TCF12: variants seen among roughly 807,000 people sequenced by gnomAD.
TCF12 encodes the protein transcription factor 12.
A neutral mutation model predicts 86.0 loss-of-function variants in TCF12; 45 were observed. The observed-to-expected ratio is 0.52, with a 90% CI of 0.41 to 0.67. The LOEUF is 0.67. Ranked by LOEUF, TCF12 falls within the 30% of genes least tolerant of loss-of-function variation. The pLI, the probability that TCF12 is intolerant of heterozygous loss-of-function variation, is 0.00. For missense variants in TCF12, 881 were observed against 859.9 expected (o/e 1.02, Z -0.31); for synonymous variants, 330 against 299.6 (o/e 1.10, Z -1.05).
chr15:57,211,733 C>T (rs1220823733), intron 8 of TCF12, among the ~76,000 whole-genome samples: 1 of 152,154 alleles, frequency 6.6e-6, no homozygotes, highest in African/African-American at 2.4e-5. Context: ...GCTGGCAGAT[C>T]GCTTGAGGCC....
In TCF12 at chr15:57,112,100, C is replaced by T. The variant is rs115663586; in HGVS notation, c.325+20209C>T. ...GAAAGGAAATCCTCTGCCCCTCATC[C>T]GTCTTAAGAAGGTGGGAATGAGAAT... On this transcript the variant is annotated intron_variant, in intron 5 of 20. Coordinates refer to ENST00000333725, the MANE Select transcript of TCF12 (RefSeq NM_207037.2). Among the ~76,000 whole-genome samples the T allele has an allele frequency of 4.1e-3, 628 of 152,230 alleles. 6 individuals are homozygous for T. The highest frequency in any genetic ancestry group is 0.014 in the African/African-American group (594 of 41,528).
chr15:57,281,324 A>G (rs756109531), intron 19 of TCF12, among the ~76,000 whole-genome samples: 1 of 152,140 alleles, frequency 6.6e-6, no homozygotes, highest in Non-Finnish European at 1.5e-5. Context: ...CCCTTTTAAT[A>G]ACACCTCCAG....
At chr15:57,236,575 A>G (rs1481041500) in intron 12 of TCF12, among the ~76,000 whole-genome samples, 3 of 152,176 alleles carry the variant, frequency 2.0e-5, no homozygotes, top group Non-Finnish European at 4.4e-5. Flanking sequence ...CCAATTGTCT[A>G]ATATATGTCT....
At chr15:57,028,879 C>CCT (rs1402474967) in intron 3 of TCF12, among the ~76,000 whole-genome samples, 13 of 151,806 alleles carry the variant, frequency 8.6e-5, no homozygotes, top group African/African-American at 3.1e-4. Flanking sequence ...GCTCACTGCA[C>CCT]CTTCTCCCTC....
chr15:56,995,594 G>C (rs1344142647), intron 3 of TCF12, among the ~76,000 whole-genome samples: 1 of 151,834 alleles, frequency 6.6e-6, no homozygotes, highest in Non-Finnish European at 1.5e-5. Flanking sequence ...GTGTGTTCTT[G>C]TTTTGGCTCT....
At chr15:57,107,582 G>T (rs976130351) in intron 5 of TCF12, among the ~76,000 whole-genome samples, 1 of 152,082 alleles carries the variant, frequency 6.6e-6, no homozygotes, top group Non-Finnish European at 1.5e-5. Context: ...GGGGGATAAT[G>T]ATGTGTCAAT....
At chr15:56,967,311 A>T (rs1345106135) in intron 3 of TCF12, among the ~76,000 whole-genome samples, 1 of 152,166 alleles carries the variant, frequency 6.6e-6, no homozygotes, top group Non-Finnish European at 1.5e-5. Flanking sequence ...CAAAGAAAAA[A>T]AAAAACGCTG....
intron 3 of TCF12, among the ~76,000 whole-genome samples, chr15:56,975,096 AG>A (rs2062532552): frequency 6.6e-6 from 1 of 152,166 alleles, no homozygotes; most frequent in South Asian, 2.1e-4. Flanking sequence ...AATGTTAGTA[AG>A]GGACAATATA....
chr15:57,162,118 T>G, intron 5 of TCF12, among the ~76,000 whole-genome samples: 1 of 152,250 alleles, frequency 6.6e-6, no homozygotes, highest in Non-Finnish European at 1.5e-5. Flanking sequence ...TGTAATAATT[T>G]TTTCATAGGT....
chr15:56,998,542 T>C (rs1444050917), intron 3 of TCF12, among the ~76,000 whole-genome samples: 1 of 150,992 alleles, frequency 6.6e-6, no homozygotes, highest in Non-Finnish European at 1.5e-5. Context: ...TACCCAATAA[T>C]AGCAGAATAT....
chr15:56,920,234 T>C (rs755790668), intron 2 of TCF12, among the ~76,000 whole-genome samples: 2 of 152,156 alleles, frequency 1.3e-5, no homozygotes, highest in African/African-American at 2.4e-5. Flanking sequence ...GGTCATTTGA[T>C]TTAACCAGTT....
Position 57,262,086 on chromosome 15 carries a change from A to T in TCF12, c.1468-8A>T. 1 of 1,589,922 alleles carries T rather than the reference A, an allele frequency of 6.3e-7. No individual in the cohort carries two copies. Among genetic ancestry groups the T allele is most frequent in the Non-Finnish European group, 8.6e-7 (1 of 1,167,286 alleles). ...CTTTTTTTATTTTTGGGTTTTCCTT[A>T]ACTTTAGGTTGGAACTCATCGGGAA... is the stretch of plus-strand genomic sequence containing the variant. On this transcript the variant is annotated splice_region_variant and splice_polypyrimidine_tract_variant and intron_variant, in intron 16 of 20. Coordinates refer to ENST00000333725, the MANE Select transcript of TCF12 (RefSeq NM_207037.2).
At chr15:57,281,453 T>C (rs1298459117) in intron 19 of TCF12, among the ~76,000 whole-genome samples, 2 of 152,136 alleles carry the variant, frequency 1.3e-5, no homozygotes, top group African/African-American at 4.8e-5. Flanking sequence ...AGAAGAGGGG[T>C]CCCCAACCCC....
At chr15:57,264,497 G>A (rs1165119207) in intron 18 of TCF12, among the ~76,000 whole-genome samples, 5 of 151,562 alleles carry the variant, frequency 3.3e-5, no homozygotes, top group South Asian at 2.1e-4. Flanking sequence ...CACCGCACCC[G>A]GCCTTTGTAA....
At chr15:57,251,580 G>T (rs1050361731) in intron 14 of TCF12, among the ~76,000 whole-genome samples, 157 bp downstream of exon 14, 6 of 152,204 alleles carry the variant, frequency 3.9e-5, no homozygotes, top group African/African-American at 1.4e-4. Flanking sequence ...GACACATTGG[G>T]TATGCCTTTT....
intron 5 of TCF12, among the ~76,000 whole-genome samples, chr15:57,112,699 T>C (rs775006757): frequency 1.3e-5 from 2 of 152,210 alleles, no homozygotes; most frequent in African/African-American, 2.4e-5. Flanking sequence ...GTATCTCTTA[T>C]TTTATTGAGT....
chr15:57,194,934 C>T (rs1192824124), intron 7 of TCF12, among the ~76,000 whole-genome samples: 1 of 152,122 alleles, frequency 6.6e-6, no homozygotes, highest in Admixed American at 6.6e-5. Flanking sequence ...CGGAGTTTCA[C>T]TCTTGTCCCC....
At chr15:56,937,291 G>A (rs1314764302) in intron 3 of TCF12, among the ~76,000 whole-genome samples, 1 of 151,872 alleles carries the variant, frequency 6.6e-6, no homozygotes, top group African/African-American at 2.4e-5. Flanking sequence ...TTGGTGTATA[G>A]TAGAGCTACT....
At chr15:56,984,014 A>AAAAAAAAAAAAAAAAAAAAGAAG (rs777234282) in intron 3 of TCF12, among the ~76,000 whole-genome samples, 31 of 104,428 alleles carry the variant, frequency 3.0e-4, no homozygotes, top group Non-Finnish European at 4.8e-4. Context: ...AAAAAAAAAA[A>AAAAAAAAAAAAAAAAAAAAGAAG]AAGAAGAAGA....
Sources: allele counts gnomAD v4.1 joint callset (sites outside exome capture counted in the v4.1 genomes callset), GRCh38; gene constraint gnomAD v4.1.1; transcripts MANE v1.5; gene names NCBI Gene and HGNC (gene_info 2026-07-23, HGNC 2026-07-21).